DNAH11: variants seen among roughly 807,000 people sequenced by gnomAD.
The protein encoded by DNAH11 is axonemal beta dynein heavy chain 11.
Under a neutral mutation model 526.0 loss-of-function variants are expected in DNAH11, and 442 were observed. That is an observed-to-expected ratio of 0.84 (90% confidence interval 0.78 to 0.91). The LOEUF is 0.91. Among genes scored for constraint, DNAH11 ranks in the 40% least tolerant of loss-of-function variants. DNAH11 has a pLI of 0.00. For missense variants in DNAH11, 6,989 were observed against 5,448.7 expected (o/e 1.28, Z -8.90); for synonymous variants, 2,461 against 1,935.9 (o/e 1.27, Z -7.12).
chr7:21,852,698 A>C, intron 67 of DNAH11, 67 bp downstream of exon 67: 4 of 1,480,056 alleles, frequency 2.7e-6, no homozygotes, highest in Non-Finnish European at 3.6e-6. Context: ...TGGGGTGGGC[A>C]GTGTGATCAG....
chr7:21,787,666 A>T (rs1399640482), intron 60 of DNAH11, 83 bp downstream of exon 60: 1 of 1,245,978 alleles, frequency 8.0e-7, no homozygotes, highest in African/African-American at 1.5e-5. Context: ...CGAGAAGAGT[A>T]AAATTTGTTA....
At chr7:21,555,174 T>C (rs1011580258) in intron 2 of DNAH11, among the ~76,000 whole-genome samples, 1 of 152,214 alleles carries the variant, frequency 6.6e-6, no homozygotes, top group Non-Finnish European at 1.5e-5. Flanking sequence ...ATCATTCACA[T>C]AGAGAATTAA....
intron 28 of DNAH11, among the ~76,000 whole-genome samples, chr7:21,643,371 G>C (rs892500160): frequency 2.0e-5 from 3 of 152,086 alleles, no homozygotes; most frequent in African/African-American, 7.2e-5. Flanking sequence ...AGGTCTTTTT[G>C]TCTGAGAACA....
At chr7:21,642,436 T>C (rs906177534) in intron 28 of DNAH11, among the ~76,000 whole-genome samples, 1 of 152,166 alleles carries the variant, frequency 6.6e-6, no homozygotes, top group African/African-American at 2.4e-5. Context: ...GAATAATTAA[T>C]GCTACAGGCT....
In DNAH11 at chr7:21,773,898, T is replaced by C; in HGVS notation, c.9235T>C (p.Ser3079Pro). 6.2e-7 allele frequency: 1 copy of C among 1,603,824 alleles called. No homozygotes were observed. The highest frequency in any genetic ancestry group is 8.5e-7 in the Non-Finnish European group (1 of 1,174,984). ...CCCAAAGAGTTTTCTAGAACAAATA[T>C]CACTGTTTAAGAACCTGTTGAAGAA... Reference protein sequence around the residue: ...TTPKSFLEQISLFKNLLKKKQ... With the variant: ...TTPKSFLEQIPLFKNLLKKKQ... The change falls in exon 56 of 82, where the codon TCA (serine) becomes CCA (proline). Residue 3079 changes from serine (S) to proline (P), a missense_variant. By Grantham distance (74) the Ser-to-Pro change is moderately conservative (BLOSUM62 -1). Coordinates refer to ENST00000409508, the MANE Select transcript of DNAH11 (RefSeq NM_001277115.2).
chr7:21,548,742 A>T (rs1663637310), intron 2 of DNAH11, among the ~76,000 whole-genome samples: 1 of 152,210 alleles, frequency 6.6e-6, no homozygotes, highest in Admixed American at 6.5e-5. Flanking sequence ...GGAAGTGGAT[A>T]CAAGTTGAGA....
intron 22 of DNAH11, 45 bp downstream of exon 22, chr7:21,616,337 A>T: frequency 2.7e-6 from 4 of 1,466,680 alleles, no homozygotes; most frequent in South Asian, 1.2e-5. Flanking sequence ...CTTTCTCAGC[A>T]CCACCTCCTT....
intron 63 of DNAH11, among the ~76,000 whole-genome samples, chr7:21,815,446 T>C (rs1199407792): frequency 1.3e-5 from 2 of 152,210 alleles, no homozygotes; most frequent in African/African-American, 2.4e-5. Context: ...CTACTTTTCC[T>C]ATATTCGTAT....
At chr7:21,728,216 C>T (rs558619463) in intron 45 of DNAH11, among the ~76,000 whole-genome samples, 1 of 146,248 alleles carries the variant, frequency 6.8e-6, no homozygotes, top group South Asian at 2.2e-4. Flanking sequence ...ATACATTCAC[C>T]CATTCCAACA....
At chr7:21,684,084 CAG>C in intron 32 of DNAH11, 140 bp downstream of exon 32, 2 of 875,066 alleles carry the variant, frequency 2.3e-6, no homozygotes, top group Non-Finnish European at 1.7e-6. Flanking sequence ...ATTAGAGAAA[CAG>C]AGTTACAGAA....
chr7:21,677,851 C>G (rs1402213910), intron 30 of DNAH11, among the ~76,000 whole-genome samples: 1 of 152,218 alleles, frequency 6.6e-6, no homozygotes, highest in Non-Finnish European at 1.5e-5. Context: ...TTTTCATATA[C>G]TAGTTAGACA....
chr7:21,553,853 T>C (rs1240776153), intron 2 of DNAH11, among the ~76,000 whole-genome samples: 1 of 152,180 alleles, frequency 6.6e-6, no homozygotes, highest in East Asian at 1.9e-4. Context: ...AAAGACCTTC[T>C]GAGCCTCCCT....
chr7:21,740,018 T>A (rs374637161), intron 48 of DNAH11, among the ~76,000 whole-genome samples: 44 of 152,294 alleles, frequency 2.9e-4, no homozygotes, highest in East Asian at 2.1e-3. Context: ...GTTCAGAGTT[T>A]ACATCGGGAT....
intron 7 of DNAH11, chr7:21,570,525 T>C (rs1345070205): frequency 1.7e-5 from 7 of 408,234 alleles, no homozygotes; most frequent in African/African-American, 4.1e-5. Flanking sequence ...CATTATTACA[T>C]TGAGTATAAG....
At position 21,626,248 on chromosome 7, in the gene DNAH11, A is replaced by G. The variant is rs558231224; in HGVS notation, c.4500+6170A>G. 2.1e-4 allele frequency among the ~76,000 whole-genome samples: 32 copies of G among 152,304 alleles called. No homozygotes were observed. The East Asian group carries it at 5.2e-3, about 25-fold the overall frequency. ...CTATGCTTGCCTTATTTCACTTAACATAATGTCCTCTAGTTCCATCCACAT... is the reference window on the plus strand; with the variant it reads ...CTATGCTTGCCTTATTTCACTTAACGTAATGTCCTCTAGTTCCATCCACAT... On this transcript the variant is annotated intron_variant, in intron 25 of 81. Coordinates refer to ENST00000409508, the MANE Select transcript of DNAH11 (RefSeq NM_001277115.2).
At chr7:21,794,961 T>G (rs1562550534) in intron 61 of DNAH11, among the ~76,000 whole-genome samples, 1 of 152,142 alleles carries the variant, frequency 6.6e-6, no homozygotes, top group African/African-American at 2.4e-5. Context: ...GGACGTTCTT[T>G]CTTCTGCTGC....
intron 67 of DNAH11, among the ~76,000 whole-genome samples, chr7:21,854,017 G>A (rs1369568706): frequency 6.6e-6 from 1 of 152,102 alleles, no homozygotes; most frequent in East Asian, 1.9e-4. Flanking sequence ...AGAGAGGGGA[G>A]GCAGGAAGGT....
At chr7:21,688,606 C>T (rs1321292550) in intron 34 of DNAH11, among the ~76,000 whole-genome samples, 1 of 152,168 alleles carries the variant, frequency 6.6e-6, no homozygotes, top group Non-Finnish European at 1.5e-5. Flanking sequence ...TGGAGGTCTC[C>T]CAGGCTTCTC....
intron 34 of DNAH11, 74 bp from the exon 35 acceptor site, chr7:21,690,691 G>T: frequency 9.0e-7 from 1 of 1,109,784 alleles, no homozygotes. Flanking sequence ...GCATTTTGCA[G>T]TGGTTTGCAT....
Sources: gnomAD v4.1 joint callset for allele counts (sites outside exome capture counted in the v4.1 genomes callset) on GRCh38, gnomAD v4.1.1 for gene constraint, MANE v1.5 for transcripts, NCBI Gene and HGNC (gene_info 2026-07-23, HGNC 2026-07-21) for gene names.